OTUD7A: variants seen among roughly 807,000 people sequenced by gnomAD.
OTUD7A encodes OTU deubiquitinase 7A.
OTUD7A carries 12 observed loss-of-function variants against 65.7 expected under a neutral mutation model. That is an observed-to-expected ratio of 0.18 (90% CI 0.12 to 0.30). OTUD7A has a LOEUF of 0.30. OTUD7A is among the 10% of genes least tolerant of loss of function. The pLI, the probability that OTUD7A is intolerant of heterozygous loss-of-function variation, is 1.00. For synonymous variants in OTUD7A, 641 were observed against 586.3 expected, an observed-to-expected ratio of 1.09 and a Z score of -1.35; for missense variants, 1,148 against 1,304.8, an observed-to-expected ratio of 0.88 and a Z score of 1.85.
intron 1 of OTUD7A, among the ~76,000 whole-genome samples, chr15:31,815,802 G>A (rs8027942): frequency 0.33 from 50,610 of 152,118 alleles, 8,820 homozygotes; most frequent in South Asian, 0.56. Flanking sequence ...GTACGCATTC[G>A]GTAACAATAA....
chr15:31,556,845 A>T (rs771825226), intron 5 of OTUD7A: 2 of 152,276 alleles, frequency 1.3e-5, no homozygotes, highest in African/African-American at 2.4e-5. Context: ...AGCTTTTTCT[A>T]TTGAAAATAT....
intron 3 of OTUD7A, among the ~76,000 whole-genome samples, chr15:31,581,513 A>G (rs1404414395): frequency 2.0e-5 from 3 of 152,246 alleles, no homozygotes; most frequent in Admixed American, 1.3e-4. Context: ...ATGGACACCC[A>G]TGCATTTCCA....
At chr15:31,716,049 A>G (rs1302968413) in intron 1 of OTUD7A, among the ~76,000 whole-genome samples, 1 of 102,930 alleles carries the variant, frequency 9.7e-6, no homozygotes, top group East Asian at 2.9e-4. Flanking sequence ...ACATATTAAA[A>G]TGTTTATAAT....
At chr15:31,838,676 A>G (rs1307911568) in intron 1 of OTUD7A, among the ~76,000 whole-genome samples, 1 of 140,336 alleles carries the variant, frequency 7.1e-6, no homozygotes. Flanking sequence ...CACTACTCCT[A>G]AGTGATCTTG....
At chr15:31,558,810 GC>G in intron 5 of OTUD7A, 158 bp downstream of exon 5, 1 of 759,362 alleles carries the variant, frequency 1.3e-6, no homozygotes, top group Non-Finnish European at 2.1e-6. Flanking sequence ...AACACTGTCG[GC>G]CCGTAGAGCA....
intron 1 of OTUD7A, among the ~76,000 whole-genome samples, chr15:31,660,687 T>C (rs1892136263): frequency 6.6e-6 from 1 of 152,196 alleles, no homozygotes; most frequent in African/African-American, 2.4e-5. Flanking sequence ...TGCTTCTTTC[T>C]GAGGAATAAG....
At chr15:31,766,501 T>A in intron 1 of OTUD7A, 1 of 1,608,990 alleles carries the variant, frequency 6.2e-7, no homozygotes, top group Non-Finnish European at 8.5e-7. Flanking sequence ...AGTCTTTTAT[T>A]GATTGTGGCA....
Position 31,482,082 on chromosome 15 carries a change from G to T in OTUD7A, c.*1212C>A, listed in dbSNP as rs1474175703. On this transcript the variant is annotated 3_prime_UTR_variant, in exon 13 of 13. Transcript: ENST00000307050. ...TCTTGGAAGGAAGAGGCTGCATATT[G>T]CTGCTCAAAACAGGGTAGCTAAGGA... 6.6e-6 allele frequency: 1 copy of T among 152,232 alleles called. No individual in the cohort carries two copies. The allele number at this position is 152,232 out of a possible 1,614,324, so 9.4% of individuals were successfully genotyped here. A position where few individuals can be genotyped will look rare whatever the true frequency, so the allele number is the denominator to read the frequency against.
rs530009934 is a variant in OTUD7A at position 31,822,449 on chromosome 15, G to A, written c.-100+48058C>T. Among the ~76,000 whole-genome samples, 10 of 152,248 alleles carry A rather than the reference G, an allele frequency of 6.6e-5. 1 individual carries two copies. The East Asian group carries it at 9.6e-4, about 15-fold the overall frequency. ...AAGCAACAAAGAAAACAAGAAATTC[G>A]ACCAGCGTACCTAGTTTACAGATGA... On this transcript the variant is annotated intron_variant, in intron 1 of 12. Transcript: ENST00000307050.
chr15:31,508,550 C>A (rs1166557161), intron 8 of OTUD7A, among the ~76,000 whole-genome samples: 1 of 152,192 alleles, frequency 6.6e-6, no homozygotes, highest in Non-Finnish European at 1.5e-5. Context: ...GACGGGGTTT[C>A]ACTGTGTTAG....
intron 4 of OTUD7A, among the ~76,000 whole-genome samples, 167 bp from the exon 5 acceptor site, chr15:31,559,354 G>A (rs551390802): frequency 6.6e-6 from 1 of 152,130 alleles, no homozygotes; most frequent in Non-Finnish European, 1.5e-5. Context: ...AAATACATAT[G>A]TGCACACATA....
chr15:31,507,636 GGGGGC>G (rs147065114), intron 8 of OTUD7A, among the ~76,000 whole-genome samples: 109,788 of 150,306 alleles, frequency 0.73, 40,132 homozygotes, highest in East Asian at 0.83. Context: ...CTGCTGGCTG[GGGGGC>G]GGGGGTGGCA....
At chr15:31,666,869 C>G (rs1245801492) in intron 1 of OTUD7A, among the ~76,000 whole-genome samples, 2 of 152,074 alleles carry the variant, frequency 1.3e-5, no homozygotes, top group Non-Finnish European at 2.9e-5. Flanking sequence ...AAATTTCCAT[C>G]GTGATTACAT....
chr15:31,766,078 T>C, intron 1 of OTUD7A: 1 of 1,471,224 alleles, frequency 6.8e-7, no homozygotes, highest in Middle Eastern at 2.3e-4. Flanking sequence ...ATATGTCCCC[T>C]TTTTAAGTAG....
intron 5 of OTUD7A, among the ~76,000 whole-genome samples, chr15:31,547,749 C>T (rs1171961890): frequency 6.6e-6 from 1 of 152,058 alleles, no homozygotes; most frequent in Non-Finnish European, 1.5e-5. Flanking sequence ...TTCAGACACA[C>T]CCCAAGGCCA....
intron 3 of OTUD7A, among the ~76,000 whole-genome samples, chr15:31,580,494 G>A (rs1889340011): frequency 6.6e-6 from 1 of 152,216 alleles, no homozygotes; most frequent in Non-Finnish European, 1.5e-5. Context: ...CAAAATGAAT[G>A]CTAGGTGGAC....
At chr15:31,699,321 C>T (rs1265641428) in intron 1 of OTUD7A, among the ~76,000 whole-genome samples, 3 of 152,110 alleles carry the variant, frequency 2.0e-5, no homozygotes, top group African/African-American at 4.8e-5. Context: ...CCTCGTGATC[C>T]GCCCGCCTCG....
chr15:31,533,372 GAC>G (rs757911298), intron 5 of OTUD7A, among the ~76,000 whole-genome samples: 10 of 151,902 alleles, frequency 6.6e-5, no homozygotes, highest in Non-Finnish European at 1.5e-4. Flanking sequence ...AAGTAGCTGG[GAC>G]ACAGACATGC....
intron 1 of OTUD7A, among the ~76,000 whole-genome samples, chr15:31,825,727 T>A (rs4779925): frequency 2.0e-5 from 3 of 151,930 alleles, no homozygotes; most frequent in African/African-American, 7.3e-5. Context: ...TTCCACCTAT[T>A]AGCCTGTAAA....
Sources: allele counts gnomAD v4.1 joint callset (sites outside exome capture counted in the v4.1 genomes callset), GRCh38; gene constraint gnomAD v4.1.1; transcripts MANE v1.5; gene names NCBI Gene and HGNC (gene_info 2026-07-23, HGNC 2026-07-21).